The following C2orf92 variants were observed in gnomAD, a reference collection of about 807,000 sequenced individuals.
The protein encoded by C2orf92 is chromosome 2 open reading frame 92.
At chr2:97,681,856 C>T (rs1439338504) in intron 3 of C2orf92, among the ~76,000 whole-genome samples, 1 of 133,434 alleles carries the variant, frequency 7.5e-6, no homozygotes, top group Non-Finnish European at 1.6e-5. Context: ...GACTCTGTCT[C>T]AAAAAAAAAA....
intron 1 of C2orf92, among the ~76,000 whole-genome samples, chr2:97,673,870 G>T (rs1277867215): frequency 1.3e-5 from 2 of 152,132 alleles, no homozygotes; most frequent in African/African-American, 4.8e-5. Context: ...CAGTCTCCAG[G>T]AGCATTATGA....
chr2:97,695,598 G>A (rs1676281174), intron 5 of C2orf92, among the ~76,000 whole-genome samples: 1 of 152,170 alleles, frequency 6.6e-6, no homozygotes, highest in South Asian at 2.1e-4. Flanking sequence ...TATGCTTGAG[G>A]AATAGAAAGC....
At chr2:97,683,532 A>C (rs1675852762) in intron 3 of C2orf92, among the ~76,000 whole-genome samples, 1 of 122,162 alleles carries the variant, frequency 8.2e-6, no homozygotes, top group East Asian at 2.1e-4. Context: ...AAGACCTGGT[A>C]TCTATTAAAA....
chr2:97,664,101 G>C (rs930732557), upstream of C2orf92: 2 of 276,790 alleles, frequency 7.2e-6, no homozygotes, highest in Admixed American at 1.1e-4. Context: ...GACAGCAGGT[G>C]CCCGGGGCTG....
upstream of C2orf92, chr2:97,668,074 G>T (rs1406756721): frequency 6.6e-6 from 1 of 152,194 alleles, no homozygotes; most frequent in Admixed American, 6.5e-5. Context: ...TGGAGCCCGG[G>T]TTAGCATTTA....
chr2:97,687,361 T>C (rs563103506), intron 3 of C2orf92, among the ~76,000 whole-genome samples: 3 of 152,140 alleles, frequency 2.0e-5, no homozygotes, highest in South Asian at 4.1e-4. Context: ...AGCGAGACTT[T>C]GTCTCTAAAT....
At chr2:97,690,772 GTT>G (rs796474677) in intron 5 of C2orf92, among the ~76,000 whole-genome samples, 1 of 120,996 alleles carries the variant, frequency 8.3e-6, no homozygotes, top group Non-Finnish European at 1.8e-5. Flanking sequence ...GAGAGTACTT[GTT>G]TTTTTTTTTT....
chr2:97,700,743 A>G (rs146758115), intron 6 of C2orf92, among the ~76,000 whole-genome samples: 1 of 134,390 alleles, frequency 7.4e-6, no homozygotes, highest in African/African-American at 2.6e-5. Context: ...TTTTTTTTTG[A>G]GATGGAGTCT....
intron 5 of C2orf92, among the ~76,000 whole-genome samples, chr2:97,697,595 A>C (rs1366395265): frequency 6.6e-6 from 1 of 152,248 alleles, no homozygotes; most frequent in African/African-American, 2.4e-5. Flanking sequence ...CTCTTTTCTA[A>C]GCCAAGTTGA....
rs540400672 is a variant in C2orf92 at position 97,681,866 on chromosome 2, AG to A, written c.232+5946del. Among the ~76,000 whole-genome samples, 100 of 151,730 alleles carry A rather than the reference AG, an allele frequency of 6.6e-4. 1 individual carries two copies. The highest frequency in any genetic ancestry group is 4.7e-3 in the Admixed American group (71 of 15,212). On this transcript the variant is annotated intron_variant, in intron 3 of 7. Coordinates refer to ENST00000627399, the MANE Select transcript of C2orf92 (RefSeq NM_001351368.2). ...TGAAAGACTCTGTCTCAAAAAAAAA[AG>A]GGGGGGGATCTTAAATAAATAACCT...
At chr2:97,689,758 G>A (rs17028640) in intron 4 of C2orf92, among the ~76,000 whole-genome samples, 6,817 of 152,198 alleles carry the variant, frequency 0.045, 484 homozygotes, top group African/African-American at 0.15. Context: ...CGGCACCACT[G>A]TCTACATCAA....
intron 5 of C2orf92, among the ~76,000 whole-genome samples, chr2:97,696,445 A>G (rs114995403): frequency 0.017 from 2,553 of 152,264 alleles, 24 homozygotes; most frequent in Non-Finnish European, 0.025. Context: ...TCAAAAAAAA[A>G]AGAAAAAAAG....
At chr2:97,668,411 G>T (rs1675304732), upstream of C2orf92, 1 of 152,186 alleles carries the variant, frequency 6.6e-6, no homozygotes, top group Non-Finnish European at 1.5e-5. Context: ...ATATGATCCT[G>T]TGTTCTTAGA....
At chr2:97,683,802 C>A (rs1039816510) in intron 3 of C2orf92, among the ~76,000 whole-genome samples, 1 of 152,028 alleles carries the variant, frequency 6.6e-6, no homozygotes, top group African/African-American at 2.4e-5. Flanking sequence ...ATCACATAGA[C>A]CAGTAGAATA....
intron 4 of C2orf92, among the ~76,000 whole-genome samples, chr2:97,689,559 A>T (rs1676063678): frequency 6.6e-6 from 1 of 152,228 alleles, no homozygotes; most frequent in Non-Finnish European, 1.5e-5. Context: ...GTATTTGCTC[A>T]CAGTAATAAG....
upstream of C2orf92, among the ~76,000 whole-genome samples, chr2:97,665,011 G>A (rs1675160041): frequency 6.6e-6 from 1 of 152,176 alleles, no homozygotes. Context: ...CTTTACATAA[G>A]TTATATTAAA....
intron 5 of C2orf92, among the ~76,000 whole-genome samples, chr2:97,691,396 C>T (rs975545105): frequency 1.3e-5 from 2 of 152,102 alleles, no homozygotes; most frequent in African/African-American, 4.8e-5. Context: ...AGGTGCTGCC[C>T]CGGAGGAATT....
chr2:97,670,827 G>A (rs1204529696), intron 1 of C2orf92: 1 of 152,076 alleles, frequency 6.6e-6, no homozygotes, highest in Middle Eastern at 3.1e-3. Flanking sequence ...GCCTCCCAAA[G>A]TGCTGGAATT....
rs1464140686 is a variant in C2orf92 at position 97,688,896 on chromosome 2, T to C, written c.234T>C (p.Asp78=). The C allele has an allele frequency of 2.5e-6, 1 of 398,530 alleles. No individual in the cohort carries two copies. Among genetic ancestry groups the C allele is most frequent in the Non-Finnish European group, 4.4e-6 (1 of 226,078 alleles). The allele number at this position is 398,530 out of a possible 1,614,324, so 24.7% of individuals were successfully genotyped here. A position where few individuals can be genotyped will look rare whatever the true frequency, so the allele number is the denominator to read the frequency against. Residue 78 remains aspartate, a splice_region_variant and synonymous_variant, in exon 4 of 8, where the codon GAT becomes GAC. Transcript: ENST00000627399. ...ATGCCTTTGTTTGCTCCACTGGAGA[T>C]GAAATTCTACTGCAGGTGTTTCCAA... ...EREEHLAKIF[D]EILLQVFPKF... is the part of the protein sequence containing the mutation.
Sources: allele counts gnomAD v4.1 joint callset (sites outside exome capture counted in the v4.1 genomes callset), GRCh38; gene constraint gnomAD v4.1.1; transcripts MANE v1.5; gene names NCBI Gene and HGNC (gene_info 2026-07-23, HGNC 2026-07-21).